The following CIMIP6 variants were observed in gnomAD, a reference collection of about 807,000 sequenced individuals.
CIMIP6 encodes uncharacterized protein C2orf73.
chr2:54,333,211 T>C, the CIMIP6 span, among the ~76,000 whole-genome samples: 3 of 152,090 alleles, frequency 2.0e-5, no homozygotes, highest in Non-Finnish European at 2.9e-5. Context: ...TAAAAACAAG[T>C]AAACAAAAAA....
chr2:54,373,499 T>C, the CIMIP6 span, among the ~76,000 whole-genome samples: 7 of 152,262 alleles, frequency 4.6e-5, no homozygotes, highest in Admixed American at 1.3e-4. Context: ...ACTTCCTGTC[T>C]CTATACTTGT....
chr2:54,351,444 A>AG, the CIMIP6 span, among the ~76,000 whole-genome samples: 1 of 152,244 alleles, frequency 6.6e-6, no homozygotes, highest in East Asian at 1.9e-4. Context: ...CTATGCAGCC[A>AG]TAAAAAGGAA....
At chr2:54,350,023 A>T in the CIMIP6 span, among the ~76,000 whole-genome samples, 6 of 151,806 alleles carry the variant, frequency 4.0e-5, no homozygotes, top group Non-Finnish European at 5.9e-5. Context: ...CTAATTTTTT[A>T]AAAATATTTT....
chr2:54,379,926 G>A, the CIMIP6 span, among the ~76,000 whole-genome samples: 11 of 151,578 alleles, frequency 7.3e-5, no homozygotes, highest in African/African-American at 1.9e-4. Flanking sequence ...ACAGTGAGCC[G>A]AGATAGCACC....
chr2:54,382,592 A>T, the CIMIP6 span, among the ~76,000 whole-genome samples: 1 of 152,058 alleles, frequency 6.6e-6, no homozygotes, highest in Admixed American at 6.5e-5. Context: ...CTATATTCAA[A>T]TATCACCTCT....
the CIMIP6 span, chr2:54,381,875 G>GT: frequency 6.5e-7 from 1 of 1,549,034 alleles, no homozygotes; most frequent in African/African-American, 1.4e-5. Flanking sequence ...AGCCAAGACT[G>GT]TAACAGTGGT....
At chr2:54,339,745 A>G in the CIMIP6 span, among the ~76,000 whole-genome samples, 2 of 75,056 alleles carry the variant, frequency 2.7e-5, no homozygotes. Context: ...TCCACAAAGT[A>G]TGATTTTATG....
At chr2:54,364,359 A>G in the CIMIP6 span, among the ~76,000 whole-genome samples, 1 of 152,208 alleles carries the variant, frequency 6.6e-6, no homozygotes, top group Admixed American at 6.5e-5. Context: ...AAAAACAAAA[A>G]CCATCATTTA....
At chr2:54,374,242 A>T in the CIMIP6 span, among the ~76,000 whole-genome samples, 23 of 152,306 alleles carry the variant, frequency 1.5e-4, no homozygotes, top group East Asian at 4.2e-3. Context: ...ATTCTTACAG[A>T]TGGAATCCTA....
At chr2:54,376,350 A>G in the CIMIP6 span, among the ~76,000 whole-genome samples, 1 of 152,320 alleles carries the variant, frequency 6.6e-6, no homozygotes, top group Admixed American at 6.5e-5. Context: ...GTTGAAGAAA[A>G]ATAAAATCCA....
the CIMIP6 span, among the ~76,000 whole-genome samples, chr2:54,353,628 C>G: frequency 6.6e-6 from 1 of 152,100 alleles, no homozygotes; most frequent in Non-Finnish European, 1.5e-5. Context: ...ATAAATGCTC[C>G]TTAGATTATT....
chr2:54,338,518 A>G, the CIMIP6 span, among the ~76,000 whole-genome samples: 1 of 75,508 alleles, frequency 1.3e-5, no homozygotes, highest in South Asian at 3.0e-4. Context: ...AAGAAATAAT[A>G]AAGAATGTAT....
chr2:54,369,552 G>A, the CIMIP6 span, among the ~76,000 whole-genome samples: 2 of 152,206 alleles, frequency 1.3e-5, no homozygotes, highest in African/African-American at 4.8e-5. Context: ...CCAGATAGAT[G>A]TACAGTTTCA....
chr2:54,360,104 CT>C, the CIMIP6 span: 17 of 1,413,112 alleles, frequency 1.2e-5, no homozygotes, highest in East Asian at 2.5e-5. Flanking sequence ...GCCTGCATCA[CT>C]GACTAGGACT....
At chr2:54,367,997 C>T in the CIMIP6 span, among the ~76,000 whole-genome samples, 5 of 152,124 alleles carry the variant, frequency 3.3e-5, no homozygotes, top group Admixed American at 6.5e-5. Context: ...CACTAGGAGA[C>T]ATCCCCCAAA....
chr2:54,365,992 A>G, the CIMIP6 span, among the ~76,000 whole-genome samples: 3 of 152,202 alleles, frequency 2.0e-5, no homozygotes, highest in African/African-American at 7.2e-5. Flanking sequence ...TTATACAAGG[A>G]ACATGAGAAA....
chr2:54,366,538 C>A, the CIMIP6 span, among the ~76,000 whole-genome samples: 1 of 152,158 alleles, frequency 6.6e-6, no homozygotes, highest in African/African-American at 2.4e-5. Context: ...GGGGAAAAAT[C>A]AATTTTGAAC....
chr2:54,377,507 G>A, the CIMIP6 span, among the ~76,000 whole-genome samples: 6 of 151,890 alleles, frequency 4.0e-5, no homozygotes, highest in African/African-American at 7.3e-5. Context: ...AGATTTTCAG[G>A]AATTCTCAGC....
chr2:54,372,599 T>C, the CIMIP6 span, among the ~76,000 whole-genome samples: 5 of 152,292 alleles, frequency 3.3e-5, no homozygotes, highest in East Asian at 9.7e-4. Flanking sequence ...CTGGGGCTGC[T>C]GTGCTGTGAG....
Sources: gnomAD v4.1 joint callset for allele counts (sites outside exome capture counted in the v4.1 genomes callset) on GRCh38, gnomAD v4.1.1 for gene constraint, MANE v1.5 for transcripts, NCBI Gene and HGNC (gene_info 2026-07-23, HGNC 2026-07-21) for gene names.